Variants in IL23R observed in about 807,000 individuals in gnomAD.
The protein encoded by IL23R is interleukin-23 receptor.
Under a neutral mutation model 56.9 loss-of-function variants are expected in IL23R, and 34 were observed. The observed-to-expected ratio is 0.60, with a 90% confidence interval of 0.45 to 0.80. The LOEUF is 0.80. Ranked by LOEUF, IL23R falls within the 30% of genes least tolerant of loss-of-function variation. The probability of loss-of-function intolerance (pLI) is 0.00; values close to 1 mark genes in which losing one functional copy is unlikely to be tolerated. For synonymous variants in IL23R, 230 were observed against 249.2 expected (o/e 0.92, Z 0.73); for missense variants, 635 against 730.0 (o/e 0.87, Z 1.50).
intron 7 of IL23R, among the ~76,000 whole-genome samples, chr1:67,233,343 G>A (rs933649781): frequency 2.6e-5 from 4 of 151,980 alleles, no homozygotes; most frequent in Non-Finnish European, 5.9e-5. Context: ...TCCAGCCTGG[G>A]CAACAGAGGG....
At chr1:67,255,990 T>C in intron 10 of IL23R, 63 bp downstream of exon 10, 1 of 891,902 alleles carries the variant, frequency 1.1e-6, no homozygotes. Context: ...AGTCTAATAA[T>C]TAGAATAGAA....
chr1:67,150,248 CTT>C (rs552806817), intron 1 of IL23R, among the ~76,000 whole-genome samples: 34,662 of 110,166 alleles, frequency 0.31, 4,287 homozygotes, highest in Admixed American at 0.45. Context: ...GCATTTCGAA[CTT>C]TTTTTTTTTT....
intron 1 of IL23R, among the ~76,000 whole-genome samples, chr1:67,156,743 G>A (rs1413676891): frequency 6.6e-6 from 1 of 152,168 alleles, no homozygotes; most frequent in Non-Finnish European, 1.5e-5. Context: ...TTAGCTTGCT[G>A]GGCTCCATGG....
At chr1:67,199,601 A>G (rs1648449303) in intron 4 of IL23R, among the ~76,000 whole-genome samples, 1 of 152,214 alleles carries the variant, frequency 6.6e-6, no homozygotes, top group Admixed American at 6.5e-5. Flanking sequence ...AGAGAAAAAT[A>G]ACTGTTATGT....
chr1:67,207,086 G>T (rs1649122682), intron 6 of IL23R, 31 bp downstream of exon 6: 1 of 1,609,030 alleles, frequency 6.2e-7, no homozygotes, highest in Non-Finnish European at 8.5e-7. Context: ...GCTTTAGCAT[G>T]TGAATGAATG....
At chr1:67,249,534 T>G (rs1652478892) in intron 9 of IL23R, among the ~76,000 whole-genome samples, 1 of 152,192 alleles carries the variant, frequency 6.6e-6, no homozygotes, top group South Asian at 2.1e-4. Flanking sequence ...TAATTATGAT[T>G]GAAAGGATAT....
chr1:67,160,952 T>G (rs1308839327), intron 1 of IL23R, among the ~76,000 whole-genome samples: 1 of 152,226 alleles, frequency 6.6e-6, no homozygotes, highest in Non-Finnish European at 1.5e-5. Context: ...AGTGAATCAA[T>G]AAAACCTTAT....
At chr1:67,220,958 T>A (rs1164293294) in intron 7 of IL23R, among the ~76,000 whole-genome samples, 1 of 152,190 alleles carries the variant, frequency 6.6e-6, no homozygotes, top group Non-Finnish European at 1.5e-5. Context: ...GCCACGTTCA[T>A]GCCACTGAAC....
rs757747642 is a variant in IL23R at position 67,182,824 on chromosome 1, G to A, written c.368-12G>A. ...TCTTACAGCACCTCCTAAGTGTTATGTTTTGTTGCAGATCCGCCAGATATT... is the reference window on the plus strand; with the variant it reads ...TCTTACAGCACCTCCTAAGTGTTATATTTTGTTGCAGATCCGCCAGATATT... On this transcript the variant is annotated splice_polypyrimidine_tract_variant and intron_variant, in intron 3 of 10. Transcript: ENST00000347310. 6.2e-7 allele frequency: 1 copy of A among 1,613,744 alleles called. No individual in the cohort carries two copies. Among genetic ancestry groups the A allele is most frequent in the Admixed American group, 1.7e-5 (1 of 60,000 alleles).
At chr1:67,159,669 G>C (rs1217399237) in intron 1 of IL23R, among the ~76,000 whole-genome samples, 2 of 152,166 alleles carry the variant, frequency 1.3e-5, no homozygotes, top group African/African-American at 2.4e-5. Flanking sequence ...GAGGCTGGAG[G>C]ATCCCTTGAG....
chr1:67,217,084 G>T (rs1237388808), intron 6 of IL23R, among the ~76,000 whole-genome samples: 1 of 152,084 alleles, frequency 6.6e-6, no homozygotes, highest in East Asian at 1.9e-4. Context: ...CTCTAACTAG[G>T]TTGGAGATTT....
intron 1 of IL23R, among the ~76,000 whole-genome samples, chr1:67,139,976 T>C (rs1646620810): frequency 6.6e-6 from 1 of 152,130 alleles, no homozygotes; most frequent in Admixed American, 6.5e-5. Context: ...AAGAGAAACC[T>C]AAGCGAGCAA....
chr1:67,187,040 A>G (rs1397353177), intron 4 of IL23R, among the ~76,000 whole-genome samples: 2 of 152,164 alleles, frequency 1.3e-5, no homozygotes, highest in African/African-American at 4.8e-5. Context: ...TTCTTCTATT[A>G]ATATTTGTGT....
At chr1:67,152,364 G>T (rs576195051) in intron 1 of IL23R, among the ~76,000 whole-genome samples, 1 of 152,138 alleles carries the variant, frequency 6.6e-6, no homozygotes, top group Admixed American at 6.6e-5. Context: ...GGGCAGAGAC[G>T]ATGGGGTTTT....
chr1:67,221,708 T>G (rs1190036825), intron 7 of IL23R, among the ~76,000 whole-genome samples: 2 of 152,248 alleles, frequency 1.3e-5, no homozygotes, highest in Non-Finnish European at 2.9e-5. Flanking sequence ...GACTTTATTA[T>G]AATCCCAGTA....
intron 9 of IL23R, among the ~76,000 whole-genome samples, chr1:67,246,829 C>T (rs536836980): frequency 1.3e-5 from 2 of 152,168 alleles, no homozygotes; most frequent in African/African-American, 4.8e-5. Context: ...CTATAGGTCC[C>T]ACTTGGTCCA....
intron 4 of IL23R, among the ~76,000 whole-genome samples, chr1:67,183,625 T>A (rs1375178001): frequency 6.6e-6 from 1 of 152,228 alleles, no homozygotes; most frequent in African/African-American, 2.4e-5. Flanking sequence ...CGAATTGCTA[T>A]TATTTTTAAT....
At chr1:67,256,808 T>G (rs1336250852) in intron 10 of IL23R, among the ~76,000 whole-genome samples, 2 of 152,304 alleles carry the variant, frequency 1.3e-5, no homozygotes, top group African/African-American at 4.8e-5. Context: ...TTTCAAGCTC[T>G]GGTAAGCCTA....
intron 6 of IL23R, among the ~76,000 whole-genome samples, chr1:67,210,706 T>A (rs1649407300): frequency 6.6e-6 from 1 of 151,984 alleles, no homozygotes; most frequent in Non-Finnish European, 1.5e-5. Context: ...CAAATAATCC[T>A]CCCCCTGGCT....
Sources: allele counts gnomAD v4.1 joint callset (sites outside exome capture counted in the v4.1 genomes callset), GRCh38; gene constraint gnomAD v4.1.1; transcripts MANE v1.5; gene names NCBI Gene and HGNC (gene_info 2026-07-23, HGNC 2026-07-21).